The following LPP variants were observed in gnomAD, a reference collection of about 807,000 sequenced individuals.
LPP encodes the protein lipoma-preferred partner.
In LPP, 38 loss-of-function variants were observed where a neutral mutation model predicts 60.4. The ratio of observed to expected loss-of-function variants is 0.63; its 90% CI spans 0.49 to 0.83. The LOEUF is 0.83. Ranked by LOEUF, LPP falls within the 40% of genes least tolerant of loss-of-function variation. The pLI, the probability that LPP is intolerant of heterozygous loss-of-function variation, is 0.00. For missense variants in LPP, 902 were observed against 783.6 expected (o/e 1.15, Z -1.80); for synonymous variants, 328 against 290.8 (o/e 1.13, Z -1.30).
At chr3:188,534,774 A>G (rs968978838) in intron 6 of LPP, among the ~76,000 whole-genome samples, 1 of 152,190 alleles carries the variant, frequency 6.6e-6, no homozygotes, top group Admixed American at 6.5e-5. Flanking sequence ...TAGTGATAAT[A>G]AGGATGATCT....
chr3:188,215,074 G>A (rs1283669793), intron 1 of LPP, among the ~76,000 whole-genome samples: 2 of 152,146 alleles, frequency 1.3e-5, no homozygotes, highest in East Asian at 3.9e-4. Context: ...GAGAGGCCGA[G>A]GTGGGCAGAT....
chr3:188,818,122 G>C (rs1752977575), intron 9 of LPP, among the ~76,000 whole-genome samples: 1 of 152,138 alleles, frequency 6.6e-6, no homozygotes, highest in African/African-American at 2.4e-5. Context: ...CCGGTATTGA[G>C]CAAACAGGCA....
chr3:188,278,113 T>C (rs1025272679), intron 2 of LPP, among the ~76,000 whole-genome samples: 3 of 152,224 alleles, frequency 2.0e-5, no homozygotes, highest in Non-Finnish European at 2.9e-5. Context: ...GGTAAATTGC[T>C]TTCTATTGTT....
intron 1 of LPP, among the ~76,000 whole-genome samples, chr3:188,171,847 C>G (rs928320722): frequency 6.6e-6 from 1 of 152,166 alleles, no homozygotes; most frequent in Non-Finnish European, 1.5e-5. Context: ...ATTTTGCAGG[C>G]CTTGAAAAGA....
At chr3:188,725,312 A>G (rs2149947153) in intron 8 of LPP, 1 of 152,314 alleles carries the variant, frequency 6.6e-6, no homozygotes. Flanking sequence ...AGCAAATACA[A>G]TCCAAGTGCG....
intron 1 of LPP, among the ~76,000 whole-genome samples, chr3:188,173,209 G>T (rs370108025): frequency 5.9e-5 from 9 of 152,214 alleles, no homozygotes; most frequent in African/African-American, 1.4e-4. Flanking sequence ...TTATAGAAAA[G>T]CCTATTACAG....
intron 8 of LPP, among the ~76,000 whole-genome samples, chr3:188,753,493 A>G (rs184943612): frequency 1.9e-3 from 286 of 151,154 alleles, no homozygotes; most frequent in Non-Finnish European, 2.5e-3. Flanking sequence ...CCTTCACTTC[A>G]TCTCATCTGG....
chr3:188,191,208 C>T (rs974949154), intron 1 of LPP, among the ~76,000 whole-genome samples: 16 of 152,256 alleles, frequency 1.1e-4, no homozygotes, highest in South Asian at 2.1e-4. Flanking sequence ...CTAGCCTGGG[C>T]GACAGAGCAA....
chr3:188,602,408 A>T lies in LPP; in HGVS notation c.430-6753A>T, dbSNP rs184683934. 2.2e-3 allele frequency among the ~76,000 whole-genome samples: 328 copies of T among 151,694 alleles called. 2 individuals carry two copies. The highest frequency in any genetic ancestry group is 4.2e-3 in the Admixed American group (63 of 15,168). On this transcript the variant is annotated intron_variant, in intron 6 of 11. Transcript: ENST00000617246. ...ATTTTTGCATAGAGCCAAAAGAAGCAGCAAATTAGGGATTTCATTATAACT... is the reference window on the plus strand; with the variant it reads ...ATTTTTGCATAGAGCCAAAAGAAGCTGCAAATTAGGGATTTCATTATAACT...
At chr3:188,447,464 G>C (rs553827291) in intron 4 of LPP, among the ~76,000 whole-genome samples, 1 of 152,018 alleles carries the variant, frequency 6.6e-6, no homozygotes, top group Non-Finnish European at 1.5e-5. Flanking sequence ...ACAAAAATTA[G>C]TCAGGCATGG....
chr3:188,395,759 A>T (rs1780797197), intron 3 of LPP, among the ~76,000 whole-genome samples: 1 of 151,892 alleles, frequency 6.6e-6, no homozygotes, highest in Admixed American at 6.6e-5. Context: ...AAAAAAAATT[A>T]AAAAATTTGC....
intron 2 of LPP, among the ~76,000 whole-genome samples, chr3:188,232,783 C>T (rs945150462): frequency 2.0e-5 from 3 of 152,084 alleles, no homozygotes; most frequent in Admixed American, 1.3e-4. Flanking sequence ...AAGACTGTCA[C>T]GTTAGTCACT....
chr3:188,323,847 A>G (rs573913109), intron 2 of LPP, among the ~76,000 whole-genome samples: 156 of 152,316 alleles, frequency 1.0e-3, no homozygotes, highest in African/African-American at 3.5e-3. Context: ...TGGAGGTCAT[A>G]GATTTTAGGG....
chr3:188,234,003 A>G (rs541338075), intron 2 of LPP, among the ~76,000 whole-genome samples: 1 of 152,152 alleles, frequency 6.6e-6, no homozygotes, highest in South Asian at 2.1e-4. Context: ...TGCTAAAGGC[A>G]TACTTCACTG....
chr3:188,853,150 C>CA (rs149569269), intron 9 of LPP, among the ~76,000 whole-genome samples: 11,813 of 139,844 alleles, frequency 0.084, 498 homozygotes, highest in African/African-American at 0.1. Flanking sequence ...GACTCTGTCT[C>CA]AAAAAAAAAA....
chr3:188,384,330 ATGTG>A (rs61561622), intron 3 of LPP, among the ~76,000 whole-genome samples: 33 of 148,906 alleles, frequency 2.2e-4, no homozygotes, highest in Admixed American at 1.4e-3. Flanking sequence ...ATGTATGTGC[ATGTG>A]TGTGTGTGTG....
intron 3 of LPP, among the ~76,000 whole-genome samples, chr3:188,400,399 G>A (rs564697531): frequency 1.3e-5 from 2 of 152,220 alleles, no homozygotes; most frequent in African/African-American, 4.8e-5. Context: ...CTAGATGTGG[G>A]TAATGATAGT....
At chr3:188,411,081 A>G (rs192677469) in intron 4 of LPP, among the ~76,000 whole-genome samples, 8 of 152,302 alleles carry the variant, frequency 5.3e-5, no homozygotes, top group African/African-American at 1.7e-4. Flanking sequence ...ATGGCTGAGT[A>G]GTATCCCATA....
chr3:188,559,057 T>C (rs1377701491), intron 6 of LPP, among the ~76,000 whole-genome samples: 1 of 152,100 alleles, frequency 6.6e-6, no homozygotes, highest in Non-Finnish European at 1.5e-5. Flanking sequence ...TGTCTAGCTA[T>C]ATGACCTTGA....
Sources: allele counts gnomAD v4.1 joint callset (sites outside exome capture counted in the v4.1 genomes callset), GRCh38; gene constraint gnomAD v4.1.1; transcripts MANE v1.5; gene names NCBI Gene and HGNC (gene_info 2026-07-23, HGNC 2026-07-21).